The following C19orf18 variants were observed in gnomAD, a reference collection of about 807,000 sequenced individuals.
C19orf18 encodes chromosome 19 open reading frame 18.
C19orf18 carries 21 observed loss-of-function variants against 23.3 expected under a neutral mutation model. The ratio of observed to expected loss-of-function variants is 0.90; its 90% CI spans 0.64 to 1.30. C19orf18 has a LOEUF of 1.30. Among genes scored for constraint, C19orf18 ranks in the 50% most tolerant of loss-of-function variants. C19orf18 has a pLI of 0.00. For missense variants in C19orf18, 249 were observed against 259.6 expected (o/e 0.96, Z 0.28); for synonymous variants, 96 against 95.2 (o/e 1.01, Z -0.05).
chr19:57,973,872 CTTA>C (rs1197710832), intron 2 of C19orf18, among the ~76,000 whole-genome samples: 1 of 149,860 alleles, frequency 6.7e-6, no homozygotes, highest in Non-Finnish European at 1.5e-5. Context: ...TTTGTGTGCG[CTTA>C]TTAAAGTGAA....
intron 5 of C19orf18, among the ~76,000 whole-genome samples, chr19:57,959,947 A>G (rs1204553940): frequency 6.6e-6 from 1 of 151,408 alleles, no homozygotes; most frequent in Non-Finnish European, 1.5e-5. Context: ...CGTCTCTACT[A>G]AAAATACAAA....
At chr19:57,972,339 ACACACATGAAGG>A in intron 3 of C19orf18, 112 bp downstream of exon 3, 11 of 1,155,886 alleles carry the variant, frequency 9.5e-6, no homozygotes, top group Non-Finnish European at 1.2e-5. Flanking sequence ...ACCTTGTCTA[ACACACATGAAGG>A]CACCACGTGT....
rs1177493978 is a variant in C19orf18 at position 57,966,476 on chromosome 19, T to C, written c.371+54A>G. 8 of 1,102,850 alleles carry C rather than the reference T, an allele frequency of 7.3e-6. No homozygotes were observed. In the East Asian group the frequency reaches 1.9e-4, roughly 26 times the overall value. The allele number at this position is 1,102,850 out of a possible 1,614,324, so 68.3% of individuals were successfully genotyped here. On this transcript the variant is annotated intron_variant, in intron 4 of 5. Transcript: ENST00000314391. ...TCCTTTGACATTAAATAATAATCAG[T>C]TGACTTGTTATGTCTCATTTAAGGA...
intron 5 of C19orf18, among the ~76,000 whole-genome samples, chr19:57,959,716 G>A (rs1256174804): frequency 6.7e-6 from 1 of 148,974 alleles, no homozygotes; most frequent in Non-Finnish European, 1.5e-5. Context: ...GATTAACTGA[G>A]CCCAGGAGGT....
intron 2 of C19orf18, among the ~76,000 whole-genome samples, chr19:57,972,815 C>T (rs1319484033): frequency 1.3e-5 from 2 of 152,024 alleles, no homozygotes; most frequent in Non-Finnish European, 2.9e-5. Flanking sequence ...GAAATCTCTG[C>T]CCAAATTAAG....
chr19:57,962,684 C>T (rs1052684864), intron 4 of C19orf18, among the ~76,000 whole-genome samples: 4 of 152,168 alleles, frequency 2.6e-5, no homozygotes, highest in Admixed American at 6.5e-5. Flanking sequence ...GGAGAAACCC[C>T]GTCTGTACTA....
At chr19:57,965,742 T>TCCGTC (rs1189542044) in intron 4 of C19orf18, among the ~76,000 whole-genome samples, 1 of 151,882 alleles carries the variant, frequency 6.6e-6, no homozygotes, top group Non-Finnish European at 1.5e-5. Flanking sequence ...AGAGCGAAAC[T>TCCGTC]CCGTCCCCTC....
intron 3 of C19orf18, among the ~76,000 whole-genome samples, chr19:57,971,654 A>G (rs2072945268): frequency 6.6e-6 from 1 of 152,072 alleles, no homozygotes. Flanking sequence ...TATTTTTAGT[A>G]GAGATGGGGT....
At chr19:57,969,270 T>C (rs2072927590) in intron 3 of C19orf18, among the ~76,000 whole-genome samples, 1 of 152,148 alleles carries the variant, frequency 6.6e-6, no homozygotes, top group Non-Finnish European at 1.5e-5. Flanking sequence ...TAAAAAGTAA[T>C]TGCCAGCCGG....
chr19:57,966,691 A>G (rs1407989665), intron 3 of C19orf18, 59 bp from the exon 4 acceptor site: 10 of 1,178,018 alleles, frequency 8.5e-6, no homozygotes, highest in African/African-American at 3.0e-5. Flanking sequence ...TATGTCTTTC[A>G]GTTAATATAT....
intron 3 of C19orf18, among the ~76,000 whole-genome samples, 166 bp from the exon 4 acceptor site, chr19:57,966,798 G>A (rs1178792430): frequency 6.6e-6 from 1 of 151,884 alleles, no homozygotes; most frequent in African/African-American, 2.4e-5. Context: ...TTGACACTGA[G>A]TCTCGCTCTA....
intron 4 of C19orf18, among the ~76,000 whole-genome samples, chr19:57,965,515 G>A (rs1010402848): frequency 6.6e-6 from 1 of 152,222 alleles, no homozygotes; most frequent in Non-Finnish European, 1.5e-5. Context: ...GGAGGCCAAG[G>A]TAGGCGGATC....
intron 4 of C19orf18, among the ~76,000 whole-genome samples, chr19:57,962,556 T>TA (rs973212816): frequency 5.9e-5 from 9 of 152,058 alleles, no homozygotes; most frequent in African/African-American, 2.2e-4. Context: ...AATTATATAT[T>TA]AAAAAAATAC....
intron 3 of C19orf18, among the ~76,000 whole-genome samples, chr19:57,967,216 G>A (rs944278121): frequency 2.6e-5 from 4 of 152,204 alleles, no homozygotes; most frequent in African/African-American, 9.6e-5. Flanking sequence ...AGGAGGGAGT[G>A]AGAAGAAAGT....
At chr19:57,963,169 G>A (rs915134167) in intron 4 of C19orf18, among the ~76,000 whole-genome samples, 3 of 151,574 alleles carry the variant, frequency 2.0e-5, no homozygotes, top group African/African-American at 7.3e-5. Flanking sequence ...TGGGATTACA[G>A]GCATGTGCCA....
chr19:57,972,614 G>T, intron 2 of C19orf18, 110 bp from the exon 3 acceptor site: 1 of 1,179,124 alleles, frequency 8.5e-7, no homozygotes, highest in Non-Finnish European at 1.2e-6. Context: ...CGAACACACA[G>T]CTTCCAAATA....
At chr19:57,964,741 T>C (rs2072896795) in intron 4 of C19orf18, among the ~76,000 whole-genome samples, 2 of 152,164 alleles carry the variant, frequency 1.3e-5, no homozygotes, top group South Asian at 4.1e-4. Flanking sequence ...TCAGAAAATA[T>C]CTCACACATG....
At chr19:57,970,109 T>C (rs2072935071) in intron 3 of C19orf18, among the ~76,000 whole-genome samples, 1 of 152,232 alleles carries the variant, frequency 6.6e-6, no homozygotes. Context: ...TAATTTAAAC[T>C]TAAAGCTGTT....
chr19:57,972,110 CGA>C (rs2072949125), intron 3 of C19orf18, among the ~76,000 whole-genome samples: 1 of 152,086 alleles, frequency 6.6e-6, no homozygotes, highest in African/African-American at 2.4e-5. Flanking sequence ...GACTCTGAAG[CGA>C]GAGGTGTTGA....
Sources: allele counts gnomAD v4.1 joint callset (sites outside exome capture counted in the v4.1 genomes callset), GRCh38; gene constraint gnomAD v4.1.1; transcripts MANE v1.5; gene names NCBI Gene and HGNC (gene_info 2026-07-23, HGNC 2026-07-21).